FGGY: variants seen among roughly 807,000 people sequenced by gnomAD.
FGGY encodes the protein FGGY carbohydrate kinase domain-containing protein.
In FGGY, 72 loss-of-function variants were observed where a neutral mutation model predicts 71.3. That is an observed-to-expected ratio of 1.01 (90% CI 0.84 to 1.23). The LOEUF is 1.23. Among genes scored for constraint, FGGY ranks in the 50% most tolerant of loss-of-function variants. The probability of loss-of-function intolerance (pLI) is 0.00; values close to 1 mark genes in which losing one functional copy is unlikely to be tolerated. For synonymous variants in FGGY, 251 were observed against 250.3 expected (o/e 1.00, Z -0.02); for missense variants, 668 against 682.3 (o/e 0.98, Z 0.23).
At chr1:59,603,147 T>C (rs2096593668) in intron 8 of FGGY, among the ~76,000 whole-genome samples, 1 of 152,198 alleles carries the variant, frequency 6.6e-6, no homozygotes, top group South Asian at 2.1e-4. Context: ...AAGAGAATAT[T>C]GCCAATACCT....
At chr1:59,666,570 G>A (rs2097327879) in intron 12 of FGGY, among the ~76,000 whole-genome samples, 1 of 152,168 alleles carries the variant, frequency 6.6e-6, no homozygotes, top group South Asian at 2.1e-4. Flanking sequence ...AACTTAGCAA[G>A]ACAGACATGA....
intron 3 of FGGY, among the ~76,000 whole-genome samples, chr1:59,343,446 C>T (rs897230236): frequency 1.3e-5 from 2 of 152,198 alleles, no homozygotes; most frequent in African/African-American, 2.4e-5. Flanking sequence ...TAAACACTTT[C>T]CTGCCTTTTG....
intron 14 of FGGY, chr1:59,699,256 G>C: frequency 1.0e-6 from 1 of 985,080 alleles, no homozygotes. Context: ...TCTTCTTCTT[G>C]GGGTGAGCCT....
chr1:59,409,167 T>G (rs1050763255), intron 5 of FGGY, among the ~76,000 whole-genome samples: 1 of 152,122 alleles, frequency 6.6e-6, no homozygotes, highest in Non-Finnish European at 1.5e-5. Flanking sequence ...GAATTATGAT[T>G]TTTTTCTTGG....
At chr1:59,756,106 G>A (rs1030463137) in intron 14 of FGGY, 7 of 152,180 alleles carry the variant, frequency 4.6e-5, no homozygotes, top group African/African-American at 1.7e-4. Context: ...TGGAATGGCA[G>A]CATGTTCACT....
At chr1:59,389,722 T>C (rs934704577) in intron 5 of FGGY, among the ~76,000 whole-genome samples, 2 of 152,180 alleles carry the variant, frequency 1.3e-5, no homozygotes, top group African/African-American at 4.8e-5. Context: ...AAGTTCTAAT[T>C]CCTCCACATC....
intron 5 of FGGY, among the ~76,000 whole-genome samples, chr1:59,441,352 A>G (rs2069829785): frequency 6.6e-6 from 1 of 152,146 alleles, no homozygotes; most frequent in African/African-American, 2.4e-5. Context: ...TCAAGATAAG[A>G]ACCAAGAATT....
chr1:59,609,353 A>G (rs12063049), intron 9 of FGGY, among the ~76,000 whole-genome samples: 1 of 152,348 alleles, frequency 6.6e-6, no homozygotes, highest in Non-Finnish European at 1.5e-5. Flanking sequence ...GTATGTGGAC[A>G]TGTTCATAAC....
chr1:59,448,680 A>G (rs1324912913), intron 5 of FGGY, among the ~76,000 whole-genome samples: 1 of 152,218 alleles, frequency 6.6e-6, no homozygotes, highest in Non-Finnish European at 1.5e-5. Context: ...AAAATTTGCC[A>G]GAGTAGCATT....
intron 4 of FGGY, among the ~76,000 whole-genome samples, chr1:59,372,031 T>G (rs571291405): frequency 6.6e-6 from 1 of 152,148 alleles, no homozygotes; most frequent in Non-Finnish European, 1.5e-5. Context: ...ATTCAAAAGC[T>G]AGCAGAAGGC....
rs553719286 is a variant in FGGY, at chr1:59,432,072, G to A, written c.555-24889G>A. ...ATCCACCAGGAGGGGAGAGAGGCTG[G>A]AGATTGAGTTAATAAGCAATCATGC... On this transcript the variant is annotated intron_variant, in intron 5 of 15. Coordinates refer to ENST00000303721, the MANE Select transcript of FGGY (RefSeq NM_018291.5). Among the ~76,000 whole-genome samples the A allele has an allele frequency of 7.6e-4, 116 of 152,250 alleles. 2 individuals are homozygous for A. Among genetic ancestry groups the A allele is most frequent in the African/African-American group, 2.7e-3 (111 of 41,552 alleles).
chr1:59,536,688 G>T (rs547184457), intron 7 of FGGY, among the ~76,000 whole-genome samples: 2 of 152,134 alleles, frequency 1.3e-5, no homozygotes, highest in African/African-American at 4.8e-5. Context: ...GGGATGCAAG[G>T]CTGGTTCAAT....
intron 14 of FGGY, among the ~76,000 whole-genome samples, chr1:59,733,466 T>TTTTG (rs888990490): frequency 6.3e-5 from 8 of 126,320 alleles, no homozygotes; most frequent in Non-Finnish European, 1.4e-4. Context: ...GTTTTGTTTT[T>TTTTG]TTGTTTTGTT....
chr1:59,706,363 G>A (rs142240384), intron 14 of FGGY, among the ~76,000 whole-genome samples: 2 of 152,304 alleles, frequency 1.3e-5, no homozygotes, highest in South Asian at 2.1e-4. Context: ...TTCCCTGGCT[G>A]TAAGATGAGA....
At chr1:59,607,676 G>T in intron 8 of FGGY, 127 bp from the exon 9 acceptor site, 1 of 624,402 alleles carries the variant, frequency 1.6e-6, no homozygotes, top group Non-Finnish European at 2.8e-6. Context: ...GGGAGAGAGT[G>T]ACTTCCCCAC....
intron 6 of FGGY, among the ~76,000 whole-genome samples, chr1:59,478,857 G>A (rs1263302178): frequency 6.6e-6 from 1 of 152,194 alleles, no homozygotes; most frequent in Non-Finnish European, 1.5e-5. Context: ...AGGGCAGGGA[G>A]ATAATGAGGA....
intron 14 of FGGY, among the ~76,000 whole-genome samples, chr1:59,708,227 A>G (rs1231872420): frequency 6.6e-6 from 1 of 151,934 alleles, no homozygotes; most frequent in East Asian, 1.9e-4. Flanking sequence ...GGTGCTTTCT[A>G]CCTTTCCCAT....
rs902566260 is a variant in FGGY at position 59,591,471 on chromosome 1, C to T, written c.904-16332C>T. Among the ~76,000 whole-genome samples the T allele has an allele frequency of 1.3e-4, 19 of 151,650 alleles. No homozygotes were observed. The East Asian group carries it at 1.6e-3, about 12-fold the overall frequency. On this transcript the variant is annotated intron_variant, in intron 8 of 15. Coordinates refer to ENST00000303721, the MANE Select transcript of FGGY (RefSeq NM_018291.5). ...CTTCATATGGAACCAAAAAAGAGCCCGCATCGCCAAGTCAATCCTAAGCCA... is the reference window on the plus strand; with the variant it reads ...CTTCATATGGAACCAAAAAAGAGCCTGCATCGCCAAGTCAATCCTAAGCCA...
chr1:59,470,814 G>C (rs74084864), intron 6 of FGGY, among the ~76,000 whole-genome samples: 6,555 of 152,230 alleles, frequency 0.043, 476 homozygotes, highest in African/African-American at 0.15. Context: ...AAGGATTCAT[G>C]TCTTCATTCT....
Sources: allele counts gnomAD v4.1 joint callset (sites outside exome capture counted in the v4.1 genomes callset), GRCh38; gene constraint gnomAD v4.1.1; transcripts MANE v1.5; gene names NCBI Gene and HGNC (gene_info 2026-07-23, HGNC 2026-07-21).